Variants in CR1 observed in about 807,000 individuals in gnomAD.
The protein encoded by CR1 is complement C3b/C4b receptor 1 (Knops blood group).
Under a neutral mutation model 187.3 loss-of-function variants are expected in CR1, and 116 were observed. The ratio of observed to expected loss-of-function variants is 0.62; its 90% CI spans 0.53 to 0.72. The LOEUF (loss-of-function observed/expected upper bound fraction) is 0.72, where lower values mean the gene tolerates loss of function less well. CR1 is among the 30% of genes least tolerant of loss of function. The pLI is 0.00. For missense variants in CR1, 1,731 were observed against 2,110.7 expected, an observed-to-expected ratio of 0.82 and a Z score of 3.52; for synonymous variants, 576 against 747.1, an observed-to-expected ratio of 0.77 and a Z score of 3.73.
chr1:207,582,004 G>T lies in CR1; in HGVS notation c.5302+1G>T. 6.2e-7 allele frequency: 1 copy of T among 1,600,968 alleles called. No homozygotes were observed. Among genetic ancestry groups the T allele is most frequent in the Non-Finnish European group, 8.6e-7 (1 of 1,168,922 alleles). Reference sequence around the variant, plus strand: ...AATAACAGTGTTCCTGTGTGTGAACGTGAGTAGATGGAATACTTGTTCAGT... The same window carrying T: ...AATAACAGTGTTCCTGTGTGTGAACTTGAGTAGATGGAATACTTGTTCAGT... On this transcript the variant is annotated splice_donor_variant, in intron 32 of 46. Transcript: ENST00000367049. LOFTEE classifies it high-confidence loss of function.
intron 32 of CR1, 72 bp downstream of exon 32, chr1:207,582,075 T>C: frequency 1.8e-6 from 2 of 1,103,664 alleles, no homozygotes; most frequent in Non-Finnish European, 2.7e-6. Flanking sequence ...CCCATGGGAT[T>C]ATCTATTGTT....
intron 24 of CR1, 106 bp downstream of exon 24, chr1:207,566,029 A>C (rs1571537763): frequency 4.2e-6 from 6 of 1,432,092 alleles, no homozygotes; most frequent in Non-Finnish European, 9.6e-7. Context: ...AGTCTTAATT[A>C]TCGATTTAAA....
At chr1:207,610,479 C>G (rs1661892162) in intron 37 of CR1, among the ~76,000 whole-genome samples, 1 of 152,076 alleles carries the variant, frequency 6.6e-6, no homozygotes, top group South Asian at 2.1e-4. Context: ...ACTCCAGGTG[C>G]TCACTACCAC....
intron 42 of CR1, among the ~76,000 whole-genome samples, chr1:207,618,996 C>T (rs1483990316): frequency 6.9e-6 from 1 of 145,796 alleles, no homozygotes; most frequent in African/African-American, 2.6e-5. Flanking sequence ...TGAGATCACG[C>T]CACTGCACTC....
rs1342155232 is a variant in CR1 at position 207,594,100 on chromosome 1, TG to T, written c.5810+5327del. Among the ~76,000 whole-genome samples, 16 of 152,328 alleles carry T rather than the reference TG, an allele frequency of 1.1e-4. No homozygotes were observed. The East Asian group carries it at 3.1e-3, about 29-fold the overall frequency. ...CCATTTGACCCAGCAATCCCATTAC[TG>T]AGTATATACCCAAAGGATTATAAAT... is the stretch of plus-strand genomic sequence containing the variant. On this transcript the variant is annotated intron_variant, in intron 35 of 46. Coordinates refer to ENST00000367049, the MANE Select transcript of CR1 (RefSeq NM_000651.6).
intron 3 of CR1, chr1:207,507,735 A>G (rs975052054): frequency 6.6e-6 from 1 of 152,194 alleles, no homozygotes; most frequent in Non-Finnish European, 1.5e-5. Context: ...AAAACTAAAC[A>G]TACTCTTACC....
chr1:207,565,541 T>C (rs1384445349), intron 23 of CR1, among the ~76,000 whole-genome samples: 1 of 150,266 alleles, frequency 6.7e-6, no homozygotes, highest in Non-Finnish European at 1.5e-5. Context: ...CAGGTTATCA[T>C]GGAGTAATCA....
chr1:207,587,720 C>T (rs539993528), intron 34 of CR1, among the ~76,000 whole-genome samples, 155 bp downstream of exon 34: 1 of 152,314 alleles, frequency 6.6e-6, no homozygotes, highest in African/African-American at 2.4e-5. Flanking sequence ...GCAACATGGC[C>T]AAACCCCACG....
At chr1:207,567,781 T>C in intron 24 of CR1, 43 bp from the exon 25 acceptor site, 2 of 1,610,460 alleles carry the variant, frequency 1.2e-6, no homozygotes, top group Non-Finnish European at 1.7e-6. Flanking sequence ...ATACCTCTGG[T>C]GAAACTCCTG....
intron 33 of CR1, among the ~76,000 whole-genome samples, chr1:207,586,867 A>G (rs1412642364): frequency 6.6e-6 from 1 of 152,220 alleles, no homozygotes; most frequent in Admixed American, 6.5e-5. Flanking sequence ...CTGAAAAACC[A>G]TTATTCCAAA....
chr1:207,623,687 G>A (rs558256312), intron 45 of CR1, among the ~76,000 whole-genome samples: 1 of 151,684 alleles, frequency 6.6e-6, no homozygotes, highest in Admixed American at 6.6e-5. Context: ...GTAGGCAGAA[G>A]GGGTTTTTAA....
chr1:207,514,964 T>G (rs1659738423), intron 4 of CR1, among the ~76,000 whole-genome samples: 1 of 146,930 alleles, frequency 6.8e-6, no homozygotes, highest in Non-Finnish European at 1.5e-5. Flanking sequence ...CATGTAGACT[T>G]TTGGCTGAAG....
At chr1:207,616,456 C>G (rs553714555) in intron 40 of CR1, 119 bp from the exon 41 acceptor site, 1 of 1,229,046 alleles carries the variant, frequency 8.1e-7, no homozygotes, top group African/African-American at 1.5e-5. Flanking sequence ...TTCCGTCTAC[C>G]TTAGTTATAT....
At chr1:207,567,656 G>A (rs1660545179) in intron 24 of CR1, among the ~76,000 whole-genome samples, 168 bp from the exon 25 acceptor site, 1 of 150,300 alleles carries the variant, frequency 6.7e-6, no homozygotes, top group Admixed American at 6.6e-5. Flanking sequence ...TTTGTACTTT[G>A]CAATACATTT....
At chr1:207,613,177 G>A (rs1643645939) in intron 39 of CR1, among the ~76,000 whole-genome samples, 1 of 152,150 alleles carries the variant, frequency 6.6e-6, no homozygotes, top group South Asian at 2.1e-4. Flanking sequence ...GGAGGGTGGA[G>A]AAGAGTTTTA....
At chr1:207,507,018 C>G in intron 3 of CR1, 1 of 497,342 alleles carries the variant, frequency 2.0e-6, no homozygotes, top group Non-Finnish European at 3.6e-6. Flanking sequence ...TGCTGGAAAC[C>G]AAGGCAGAGC....
intron 35 of CR1, among the ~76,000 whole-genome samples, chr1:207,593,082 T>TAAAAAAAAAAAA: frequency 1.7e-5 from 1 of 59,936 alleles, no homozygotes; most frequent in Non-Finnish European, 2.5e-5. Flanking sequence ...TTCACAGAAT[T>TAAAAAAAAAAAA]ACAAAAAAAA....
rs199732885 is a variant in CR1 at position 207,496,326 on chromosome 1, C to T, written c.59C>T (p.Pro20Leu). ...GTCGGGCCGCCGGCGCCCGGTCTCC[C>T]CTTCTGCTGCGGAGGATCCCTGCTG... The part of the protein sequence containing the change: ...EPVGPPAPGL[P>L]FCCGGSLLAV... The change falls in exon 1 of 47, where the codon CCC (proline) becomes CTC (leucine). Residue 20 changes from proline (P) to leucine (L), a missense_variant. This residue lies in a region of CR1 where 237 missense variants were observed against 240.4 expected (regional missense o/e 0.99). Coordinates refer to ENST00000367049, the MANE Select transcript of CR1 (RefSeq NM_000651.6). 112 of 1,613,452 alleles carry T rather than the reference C, an allele frequency of 6.9e-5. No homozygotes were observed. The African/African-American group carries it at 1.3e-3, about 18-fold the overall frequency.
chr1:207,591,364 G>A (rs959976699), intron 35 of CR1, among the ~76,000 whole-genome samples: 6 of 152,144 alleles, frequency 3.9e-5, no homozygotes, highest in Non-Finnish European at 5.9e-5. Flanking sequence ...GGTAAATAAC[G>A]AAATGAAAGC....
Sources: allele counts gnomAD v4.1 joint callset (sites outside exome capture counted in the v4.1 genomes callset), GRCh38; gene constraint gnomAD v4.1.1; regional missense constraint gnomAD v4.1.1; transcripts MANE v1.5; gene names NCBI Gene and HGNC (gene_info 2026-07-23, HGNC 2026-07-21).